PPIP5K2: variants seen among roughly 807,000 people sequenced by gnomAD.
The protein encoded by PPIP5K2 is diphosphoinositol pentakisphosphate kinase 2, also known as inositol hexakisphosphate and diphosphoinositol-pentakisphosphate kinase 2.
A neutral mutation model predicts 154.6 loss-of-function variants in PPIP5K2; 105 were observed. The observed-to-expected ratio is 0.68, with a 90% CI of 0.58 to 0.80. The LOEUF is 0.80. Ranked by LOEUF, PPIP5K2 falls within the 30% of genes least tolerant of loss-of-function variation. PPIP5K2 has a pLI of 0.00. For missense variants in PPIP5K2, 992 were observed against 1,504.6 expected, an observed-to-expected ratio of 0.66 and a Z score of 5.64; for synonymous variants, 480 against 490.3, an observed-to-expected ratio of 0.98 and a Z score of 0.28.
At chr5:103,181,949 C>G (rs533878625) in intron 24 of PPIP5K2, among the ~76,000 whole-genome samples, 45 of 151,630 alleles carry the variant, frequency 3.0e-4, no homozygotes, top group South Asian at 1.5e-3. Flanking sequence ...ATTTTAATTA[C>G]AAAAGAAAAG....
rs199892120 is a variant in PPIP5K2, at chr5:103,186,357, C to G, written c.3207C>G (p.Leu1069=). 1 of 1,613,884 alleles carries G rather than the reference C, an allele frequency of 6.2e-7. No individual in the cohort carries two copies. ...HCAGLFSTSV[L]GGSSSAPNLQ... ...CGGGCCTGTTTAGCACCTCGGTGCT[C>G]GGGGGTTCTTCAAGCGCACCTAACC... The change falls in exon 27 of 31, where the codon CTC becomes CTG. Residue 1069 remains leucine (L), a synonymous_variant. Coordinates refer to ENST00000358359, the MANE Select transcript of PPIP5K2 (RefSeq NM_001276277.3).
At chr5:103,198,998 T>A (rs1163434976) in intron 30 of PPIP5K2, among the ~76,000 whole-genome samples, 1 of 152,058 alleles carries the variant, frequency 6.6e-6, no homozygotes, top group Non-Finnish European at 1.5e-5. Context: ...TTTCACCATC[T>A]ACTTAGGGTT....
Position 103,209,365 on chromosome 5 carries a change from T to G in PPIP5K2, c.*7731T>G, listed in dbSNP as rs1301267408. On this transcript the variant is annotated 3_prime_UTR_variant, in exon 31 of 31. Coordinates refer to ENST00000358359, the MANE Select transcript of PPIP5K2 (RefSeq NM_001276277.3). Reference sequence around the variant, plus strand: ...AGCATCTTCTCCTTTTAAAAATCTTTAAAATAAGAGAATTCAGTTCTTCCC... The same window carrying G: ...AGCATCTTCTCCTTTTAAAAATCTTGAAAATAAGAGAATTCAGTTCTTCCC... 1 of 152,024 alleles carries G rather than the reference T, an allele frequency of 6.6e-6. No homozygotes were observed. Among genetic ancestry groups the G allele is most frequent in the Non-Finnish European group, 1.5e-5 (1 of 68,014 alleles). 9.4% of individuals were successfully genotyped at this position (152,024 alleles called of 1,614,324 possible). A position where few individuals can be genotyped will look rare whatever the true frequency, so the allele number is the denominator to read the frequency against.
chr5:103,172,373 G>C (rs1798098613), intron 19 of PPIP5K2, among the ~76,000 whole-genome samples: 1 of 150,762 alleles, frequency 6.6e-6, no homozygotes, highest in South Asian at 2.1e-4. Flanking sequence ...TATTCCATGT[G>C]AATCTTTCTG....
chr5:103,129,916 G>A (rs1403725762), intron 2 of PPIP5K2, among the ~76,000 whole-genome samples: 15 of 152,152 alleles, frequency 9.9e-5, no homozygotes, highest in Admixed American at 5.9e-4. Flanking sequence ...GTTTCTTTCA[G>A]TGATACGCAT....
At chr5:103,171,707 A>G (rs1798009711) in intron 19 of PPIP5K2, among the ~76,000 whole-genome samples, 1 of 151,592 alleles carries the variant, frequency 6.6e-6, no homozygotes, top group South Asian at 2.1e-4. Flanking sequence ...AGAAAAACAT[A>G]TCAATGTTTT....
Position 103,205,246 on chromosome 5 carries a change from A to G in PPIP5K2, c.*3612A>G, listed in dbSNP as rs1554232005. On this transcript the variant is annotated 3_prime_UTR_variant, in exon 31 of 31. Coordinates refer to ENST00000358359, the MANE Select transcript of PPIP5K2 (RefSeq NM_001276277.3). Reference sequence around the variant, plus strand: ...ATTTTCTTAATCCAGTCTATCATTGATGGACATCTGGGTTGGTCCCAAGTC... The same window carrying G: ...ATTTTCTTAATCCAGTCTATCATTGGTGGACATCTGGGTTGGTCCCAAGTC... 2 of 152,104 alleles carry G rather than the reference A, an allele frequency of 1.3e-5. No individual in the cohort carries two copies. Among genetic ancestry groups the G allele is most frequent in the Non-Finnish European group, 2.9e-5 (2 of 68,046 alleles). The allele number at this position is 152,104 out of a possible 1,614,324, so 9.4% of individuals were successfully genotyped here.
intron 17 of PPIP5K2, among the ~76,000 whole-genome samples, chr5:103,161,490 G>A (rs1318611311): frequency 1.3e-5 from 2 of 152,136 alleles, no homozygotes; most frequent in African/African-American, 2.4e-5. Flanking sequence ...TGGGATGGCT[G>A]GGTCAAATGG....
At chr5:103,162,206 T>C (rs1052996757) in intron 17 of PPIP5K2, among the ~76,000 whole-genome samples, 1 of 152,168 alleles carries the variant, frequency 6.6e-6, no homozygotes, top group Admixed American at 6.5e-5. Context: ...AAGTCTCTTG[T>C]CCTTTTTCTG....
intron 1 of PPIP5K2, among the ~76,000 whole-genome samples, chr5:103,122,531 C>T (rs1265587274): frequency 1.3e-5 from 2 of 152,056 alleles, no homozygotes; most frequent in African/African-American, 4.8e-5. Context: ...TTGGAATAGG[C>T]TTTTTTTGTG....
intron 14 of PPIP5K2, 37 bp downstream of exon 14, chr5:103,156,031 TGTA>T (rs782586029): frequency 3.8e-6 from 5 of 1,332,884 alleles, no homozygotes; most frequent in Non-Finnish European, 5.4e-6. Context: ...TAGTTTTATA[TGTA>T]GTAACTTGTT....
At chr5:103,186,297 G>C (rs782368585) in intron 26 of PPIP5K2, 23 bp from the exon 27 acceptor site, 1 of 1,613,172 alleles carries the variant, frequency 6.2e-7, no homozygotes, top group Non-Finnish European at 8.5e-7. Context: ...CGTTGTGTAT[G>C]TATTTTCTCT....
rs1169105171 is a variant in PPIP5K2 at position 103,188,857 on chromosome 5, G to A, written c.3352+1481G>A. The stretch of plus-strand genomic sequence containing the variant: ...GTAATTTTATATTCCTTTGGTTTAG[G>A]CTCTTTTTTAAAAATGTGGGTTTTC... On this transcript the variant is annotated intron_variant, in intron 28 of 30. Transcript: ENST00000358359. The A allele has an allele frequency of 2.4e-5, 6 of 245,818 alleles. No individual in the cohort carries two copies. In the East Asian group the frequency reaches 4.7e-4, roughly 19 times the overall value. 15.2% of individuals were successfully genotyped at this position (245,818 alleles called of 1,614,324 possible).
intron 27 of PPIP5K2, 71 bp from the exon 28 acceptor site, chr5:103,187,243 T>TC (rs1349005684): frequency 8.5e-7 from 1 of 1,183,374 alleles, no homozygotes; most frequent in African/African-American, 1.5e-5. Flanking sequence ...TATTTGTTTT[T>TC]CCCCTCTTTC....
chr5:103,202,157 T>C lies in PPIP5K2; in HGVS notation c.*523T>C, dbSNP rs1316615722. On this transcript the variant is annotated 3_prime_UTR_variant, in exon 31 of 31. Coordinates refer to ENST00000358359, the MANE Select transcript of PPIP5K2 (RefSeq NM_001276277.3). ...CATATATGCTGCAATATTTAACAAC[T>C]GGAGTATTAGCCACATGGGTTATTT... 6.5e-6 allele frequency: 1 copy of C among 152,690 alleles called. No homozygotes were observed. The highest frequency in any genetic ancestry group is 1.5e-5 in the Non-Finnish European group (1 of 68,064). 9.5% of individuals were successfully genotyped at this position (152,690 alleles called of 1,614,324 possible).
intron 8 of PPIP5K2, among the ~76,000 whole-genome samples, chr5:103,150,796 A>G (rs1286412352): frequency 2.1e-5 from 3 of 141,752 alleles, no homozygotes; most frequent in African/African-American, 5.3e-5. Context: ...AGATCACAAG[A>G]TTTCCTCTGG....
At position 103,190,865 on chromosome 5, in the gene PPIP5K2, C is replaced by T; in HGVS notation, c.3376C>T (p.Pro1126Ser). 1 of 1,597,140 alleles carries T rather than the reference C, an allele frequency of 6.3e-7. No homozygotes were observed. Among genetic ancestry groups the T allele is most frequent in the Non-Finnish European group, 8.5e-7 (1 of 1,172,186 alleles). The change falls in exon 29 of 31, where the codon CCA (proline) becomes TCA (serine). Residue 1126 changes from proline to serine, a missense_variant. Pro to Ser is a moderately conservative substitution (Grantham distance 74, BLOSUM62 -1). Transcript: ENST00000358359. ...AGGCTTTGAATTGTATTCCATGGTG[C>T]CATCTATTTGTCCTCTAGAAACTCT... ...TNGFELYSMV[P>S]SICPLETLHN...
intron 14 of PPIP5K2, among the ~76,000 whole-genome samples, chr5:103,157,617 A>G (rs542000242): frequency 2.6e-4 from 39 of 152,258 alleles, no homozygotes; most frequent in African/African-American, 8.2e-4. Context: ...GTCTCTACTA[A>G]AAATACAAAA....
chr5:103,153,523 G>A (rs1410608455), intron 10 of PPIP5K2, among the ~76,000 whole-genome samples: 1 of 151,832 alleles, frequency 6.6e-6, no homozygotes, highest in African/African-American at 2.4e-5. Flanking sequence ...GTGACCTAAT[G>A]CTATGGATCA....
Sources: allele counts gnomAD v4.1 joint callset (sites outside exome capture counted in the v4.1 genomes callset), GRCh38; gene constraint gnomAD v4.1.1; transcripts MANE v1.5; gene names NCBI Gene and HGNC (gene_info 2026-07-23, HGNC 2026-07-21).